NRXN3: variants seen among roughly 807,000 people sequenced by gnomAD.
NRXN3 encodes neurexin III.
NRXN3 carries 32 observed loss-of-function variants against 137.6 expected under a neutral mutation model. The ratio of observed to expected loss-of-function variants is 0.23; its 90% confidence interval spans 0.18 to 0.31. NRXN3 has a LOEUF of 0.31. Among genes scored for constraint, NRXN3 ranks in the 10% least tolerant of loss-of-function variants. The probability of loss-of-function intolerance (pLI) is 1.00; values close to 1 mark genes in which losing one functional copy is unlikely to be tolerated. For missense variants in NRXN3, 1,574 were observed against 2,062.5 expected, an observed-to-expected ratio of 0.76 and a Z score of 4.59; for synonymous variants, 798 against 784.5, an observed-to-expected ratio of 1.02 and a Z score of -0.29.
chr14:79,707,170 C>T (rs970133286), intron 19 of NRXN3, among the ~76,000 whole-genome samples: 3 of 152,104 alleles, frequency 2.0e-5, no homozygotes, highest in Non-Finnish European at 2.9e-5. Flanking sequence ...CTATGTTGCT[C>T]ATCATTGGAC....
At chr14:78,919,798 A>T (rs1213772734) in intron 10 of NRXN3, among the ~76,000 whole-genome samples, 1 of 152,218 alleles carries the variant, frequency 6.6e-6, no homozygotes, top group African/African-American at 2.4e-5. Context: ...ATAATTTTTT[A>T]ATCAATTGAC....
intron 4 of NRXN3, among the ~76,000 whole-genome samples, chr14:78,565,910 T>A (rs896671627): frequency 3.9e-5 from 6 of 152,140 alleles, no homozygotes; most frequent in African/African-American, 1.4e-4. Flanking sequence ...AACAATTGAG[T>A]CAGAGAAGAC....
chr14:79,613,547 T>G (rs556658147), intron 16 of NRXN3, among the ~76,000 whole-genome samples: 9 of 152,320 alleles, frequency 5.9e-5, no homozygotes, highest in Non-Finnish European at 1.0e-4. Flanking sequence ...ACATTAGCAT[T>G]AGGTTCTCTT....
chr14:79,603,064 T>A (rs1307142331), intron 16 of NRXN3, among the ~76,000 whole-genome samples: 2 of 152,214 alleles, frequency 1.3e-5, no homozygotes, highest in Non-Finnish European at 2.9e-5. Flanking sequence ...TGGAATCCAG[T>A]TCTCTTTCAG....
At chr14:79,523,287 C>A (rs1443169072) in intron 16 of NRXN3, among the ~76,000 whole-genome samples, 1 of 152,132 alleles carries the variant, frequency 6.6e-6, no homozygotes, top group Non-Finnish European at 1.5e-5. Context: ...TGCATCCTAA[C>A]AGATAAGAAT....
chr14:78,720,867 A>G (rs959266888), intron 8 of NRXN3, among the ~76,000 whole-genome samples: 2 of 152,216 alleles, frequency 1.3e-5, no homozygotes, highest in Non-Finnish European at 1.5e-5. Flanking sequence ...TGAAGCTATG[A>G]TGCTTCTTTG....
chr14:78,549,967 T>C (rs2096670823), intron 4 of NRXN3, among the ~76,000 whole-genome samples: 1 of 151,600 alleles, frequency 6.6e-6, no homozygotes, highest in Non-Finnish European at 1.5e-5. Context: ...AAAAAGCACC[T>C]CTAGGATCTT....
At chr14:79,831,711 TG>T (rs1387999042) in intron 20 of NRXN3, among the ~76,000 whole-genome samples, 1 of 152,172 alleles carries the variant, frequency 6.6e-6, no homozygotes, top group Admixed American at 6.6e-5. Flanking sequence ...ATCTGGCTGC[TG>T]GCAACATTCC....
intron 8 of NRXN3, among the ~76,000 whole-genome samples, chr14:78,789,284 C>A (rs1437948464): frequency 2.0e-5 from 3 of 152,040 alleles, no homozygotes; most frequent in Non-Finnish European, 4.4e-5. Flanking sequence ...TATGTGTTCC[C>A]CCATCTCAAA....
At chr14:79,234,541 C>T (rs1192011242) in intron 15 of NRXN3, among the ~76,000 whole-genome samples, 2 of 150,522 alleles carry the variant, frequency 1.3e-5, no homozygotes, top group Middle Eastern at 3.4e-3. Context: ...CCTGCCATCA[C>T]GCCTGGCTAA....
chr14:78,199,165 C>G (rs1045694568), intron 1 of NRXN3, among the ~76,000 whole-genome samples: 1 of 152,142 alleles, frequency 6.6e-6, no homozygotes, highest in Non-Finnish European at 1.5e-5. Context: ...CTAAGGGAAG[C>G]AAGTGCAGCA....
At chr14:79,592,611 A>G (rs1269810938) in intron 16 of NRXN3, among the ~76,000 whole-genome samples, 1 of 152,188 alleles carries the variant, frequency 6.6e-6, no homozygotes, top group African/African-American at 2.4e-5. Context: ...CAATTAACCA[A>G]TTAGTTACCC....
At chr14:79,750,410 T>A (rs1263351881) in intron 19 of NRXN3, among the ~76,000 whole-genome samples, 2 of 152,192 alleles carry the variant, frequency 1.3e-5, no homozygotes, top group Non-Finnish European at 2.9e-5. Context: ...GTAGACTCTG[T>A]TATGGAAGTA....
chr14:78,611,409 A>C (rs1601335892), intron 4 of NRXN3, among the ~76,000 whole-genome samples: 4 of 145,108 alleles, frequency 2.8e-5, no homozygotes, highest in East Asian at 2.0e-4. Flanking sequence ...TCTTTTTTGT[A>C]CTTCCTTTCC....
At chr14:78,518,637 A>T (rs1246067521) in intron 4 of NRXN3, among the ~76,000 whole-genome samples, 1 of 152,162 alleles carries the variant, frequency 6.6e-6, no homozygotes, top group Admixed American at 6.6e-5. Context: ...TCCTTGACAC[A>T]TATGGGAGCA....
chr14:78,810,373 T>C (rs756591419), intron 10 of NRXN3, 29 bp downstream of exon 10: 2 of 1,220,334 alleles, frequency 1.6e-6, no homozygotes, highest in Non-Finnish European at 1.1e-6. Context: ...TTCATTTTGT[T>C]CTTTAAAAAA....
At chr14:78,522,541 C>T (rs561839044) in intron 4 of NRXN3, among the ~76,000 whole-genome samples, 1 of 152,288 alleles carries the variant, frequency 6.6e-6, no homozygotes, top group Admixed American at 6.5e-5. Flanking sequence ...ATCTTCATGT[C>T]ATGTAGCCAA....
intron 15 of NRXN3, among the ~76,000 whole-genome samples, chr14:79,369,322 G>A (rs2094007733): frequency 6.6e-6 from 1 of 152,192 alleles, no homozygotes; most frequent in Non-Finnish European, 1.5e-5. Context: ...TCTATGTCAA[G>A]GAGGATGACA....
chr14:79,395,886 G>A (rs2095008631), intron 15 of NRXN3, among the ~76,000 whole-genome samples: 1 of 151,534 alleles, frequency 6.6e-6, no homozygotes, highest in South Asian at 2.1e-4. Flanking sequence ...CTAGATCTGA[G>A]AACAAGGATT....
Sources: allele counts gnomAD v4.1 joint callset (sites outside exome capture counted in the v4.1 genomes callset), GRCh38; gene constraint gnomAD v4.1.1; transcripts MANE v1.5; gene names NCBI Gene and HGNC (gene_info 2026-07-23, HGNC 2026-07-21).